Variants in KLHL13 observed in about 807,000 individuals in gnomAD.
KLHL13 encodes kelch-like protein 13.
Under a neutral mutation model 37.1 loss-of-function variants are expected in KLHL13, and 10 were observed. The observed-to-expected ratio is 0.27, with a 90% CI of 0.17 to 0.46. KLHL13 has a LOEUF of 0.46. KLHL13 is among the 20% of genes least tolerant of loss of function. The probability of loss-of-function intolerance (pLI) is 1.00; values close to 1 mark genes in which losing one functional copy is unlikely to be tolerated. For missense variants in KLHL13, 360 were observed against 509.3 expected (o/e 0.71, Z 2.82); for synonymous variants, 163 against 181.2 (o/e 0.90, Z 0.81).
intron 1 of KLHL13, among the ~76,000 whole-genome samples, chrX:117,979,668 CAA>C (rs1463197443): frequency 2.7e-5 from 3 of 111,075 alleles, no homozygotes; most frequent in Non-Finnish European, 5.7e-5. Context: ...AAGCAGAGGT[CAA>C]GAGGGATATT....
chrX:117,930,238 A>G (rs558921279), intron 2 of KLHL13, among the ~76,000 whole-genome samples: 42 of 80,923 alleles, frequency 5.2e-4, no homozygotes, highest in South Asian at 4.9e-3. Context: ...GGAAGGAAGG[A>G]AGGGAGGAAG....
At chrX:118,107,046 T>G (rs772889075) in intron 1 of KLHL13, among the ~76,000 whole-genome samples, 1 of 111,944 alleles carries the variant, frequency 8.9e-6, no homozygotes. Context: ...ACTTAAAATC[T>G]GGAACAATTA....
At chrX:117,923,305 G>C (rs2147709134) in intron 2 of KLHL13, among the ~76,000 whole-genome samples, 1 of 111,606 alleles carries the variant, frequency 9.0e-6, no homozygotes, top group African/African-American at 3.2e-5. Context: ...ATTTTTCTTG[G>C]GAAAAGTAAC....
upstream of KLHL13, chrX:118,116,895 A>C: frequency 2.9e-5 from 1 of 34,009 alleles, no homozygotes; most frequent in Non-Finnish European, 5.4e-5. Flanking sequence ...CGGGGGAAAC[A>C]TGGCGGCGGG....
At position 117,919,725 on chromosome X, in the gene KLHL13, A is replaced by G; in HGVS notation, c.374-8T>C. Reference sequence around the variant, plus strand: ...CTTGTTCTTTCATTCCACCTTAAATAAAAAGACATTCAATTAAATGAAGGT... The same window carrying G: ...CTTGTTCTTTCATTCCACCTTAAATGAAAAGACATTCAATTAAATGAAGGT... On this transcript the variant is annotated splice_region_variant and splice_polypyrimidine_tract_variant and intron_variant, in intron 3 of 6. Coordinates refer to ENST00000262820, the Ensembl canonical transcript of KLHL13. 1 of 1,151,799 alleles carries G rather than the reference A, an allele frequency of 8.7e-7. No individual in the cohort carries two copies. Among genetic ancestry groups the G allele is most frequent in the Non-Finnish European group, 1.2e-6 (1 of 847,879 alleles). 94.9% of individuals were successfully genotyped at this position (1,151,799 alleles called of 1,213,427 possible).
intron 1 of KLHL13, among the ~76,000 whole-genome samples, chrX:118,091,489 T>C (rs2045236966): frequency 9.1e-6 from 1 of 110,496 alleles, no homozygotes; most frequent in Non-Finnish European, 1.9e-5. Context: ...AAAAATACAA[T>C]AATTGTAATA....
chrX:118,042,545 CAA>C (rs892274418), intron 1 of KLHL13, among the ~76,000 whole-genome samples: 4 of 111,423 alleles, frequency 3.6e-5, no homozygotes, highest in Non-Finnish European at 7.6e-5. Flanking sequence ...AAATCAATAA[CAA>C]GAGAAATTTT....
At chrX:117,992,118 G>A (rs988371976) in intron 1 of KLHL13, among the ~76,000 whole-genome samples, 1 of 109,555 alleles carries the variant, frequency 9.1e-6, no homozygotes, top group Non-Finnish European at 1.9e-5. Context: ...CAGGCTGGAG[G>A]TGAGAGAGAG....
At chrX:118,023,529 G>A (rs1191025607) in intron 1 of KLHL13, among the ~76,000 whole-genome samples, 2 of 111,529 alleles carry the variant, frequency 1.8e-5, no homozygotes, top group Non-Finnish European at 3.8e-5. Context: ...CTCATGCTGG[G>A]ATAAAACTTT....
At chrX:118,032,581 G>A (rs1232713412) in intron 1 of KLHL13, among the ~76,000 whole-genome samples, 5 of 111,871 alleles carry the variant, frequency 4.5e-5, no homozygotes, top group African/African-American at 9.7e-5. Context: ...CACACCACAG[G>A]CCCATCTGTA....
chrX:118,098,508 A>C (rs1360818297), intron 1 of KLHL13, among the ~76,000 whole-genome samples: 1 of 111,158 alleles, frequency 9.0e-6, no homozygotes, highest in Middle Eastern at 4.2e-3. Flanking sequence ...ATGGTGGAAG[A>C]CAGTGTGGGG....
At chrX:118,066,341 AAAAGAGCTTAAATGTCACTAACAATC>A (rs1016650634) in intron 1 of KLHL13, among the ~76,000 whole-genome samples, 12 of 112,155 alleles carry the variant, frequency 1.1e-4, no homozygotes, top group African/African-American at 3.9e-4. Flanking sequence ...GGCCAGGGTC[AAAAGAGCTTAAATGTCACTAACAATC>A]CCATGCTTCC....
intron 1 of KLHL13, among the ~76,000 whole-genome samples, chrX:118,101,961 G>A (rs990822615): frequency 1.8e-5 from 2 of 111,499 alleles, no homozygotes; most frequent in African/African-American, 6.5e-5. Context: ...TCCAGTCTTG[G>A]GTATTTCTTT....
upstream of KLHL13, among the ~76,000 whole-genome samples, chrX:117,977,621 C>A (rs1393165854): frequency 2.7e-5 from 3 of 112,082 alleles, no homozygotes; most frequent in Non-Finnish European, 5.6e-5. Context: ...ACTGTGTAAT[C>A]TTTTCAGTTC....
intron 1 of KLHL13, among the ~76,000 whole-genome samples, chrX:118,072,704 A>G (rs1412832009): frequency 8.9e-6 from 1 of 112,309 alleles, no homozygotes; most frequent in Non-Finnish European, 1.9e-5. Context: ...CTTATTGTTC[A>G]GTTTTGCTTT....
At chrX:117,919,288 T>A (rs1207640982) in intron 4 of KLHL13, among the ~76,000 whole-genome samples, 3 of 112,344 alleles carry the variant, frequency 2.7e-5, no homozygotes, top group Non-Finnish European at 5.6e-5. Flanking sequence ...CCTCCCAAAG[T>A]GCTGGGATTA....
At chrX:117,969,479 CTT>C (rs777373365) in intron 1 of KLHL13, among the ~76,000 whole-genome samples, 1 of 111,579 alleles carries the variant, frequency 9.0e-6, no homozygotes, top group Non-Finnish European at 1.9e-5. Context: ...GGGGCAGAGT[CTT>C]TACTAATGCA....
At chrX:117,925,761 A>G (rs1363046614) in intron 2 of KLHL13, among the ~76,000 whole-genome samples, 1 of 112,101 alleles carries the variant, frequency 8.9e-6, no homozygotes, top group Non-Finnish European at 1.9e-5. Flanking sequence ...CCGTCTTATC[A>G]GGTTGTTCTC....
chrX:118,066,206 CAG>C (rs1291561639), intron 1 of KLHL13, among the ~76,000 whole-genome samples: 1 of 111,599 alleles, frequency 9.0e-6, no homozygotes, highest in African/African-American at 3.3e-5. Flanking sequence ...TTTAATGAAA[CAG>C]AACTACAGGG....
Sources: gnomAD v4.1 joint callset for allele counts (sites outside exome capture counted in the v4.1 genomes callset) on GRCh38, gnomAD v4.1.1 for gene constraint, MANE v1.5 for transcripts, NCBI Gene and HGNC (gene_info 2026-07-23, HGNC 2026-07-21) for gene names.